Variants in DPP6 observed in about 807,000 individuals in gnomAD.
The protein encoded by DPP6 is A-type potassium channel modulatory protein DPP6.
In DPP6, 69 loss-of-function variants were observed where a neutral mutation model predicts 122.6. The observed-to-expected ratio is 0.56, with a 90% CI of 0.46 to 0.69. The LOEUF (loss-of-function observed/expected upper bound fraction) is 0.69, where lower values mean the gene tolerates loss of function less well. Among genes scored for constraint, DPP6 ranks in the 30% least tolerant of loss-of-function variants. The probability of loss-of-function intolerance (pLI) is 0.00; values close to 1 mark genes in which losing one functional copy is unlikely to be tolerated. For synonymous variants in DPP6, 418 were observed against 433.1 expected (o/e 0.97, Z 0.43); for missense variants, 928 against 1,116.9 (o/e 0.83, Z 2.41).
At position 154,769,479 on chromosome 7, in the gene DPP6, G is replaced by A. The variant is rs1209164860; in HGVS notation, c.946G>A (p.Ala316Thr). The change falls in exon 9 of 26, where the codon GCC becomes ACC. Residue 316 changes from alanine to threonine, a missense_variant. Ala to Thr is a moderately conservative substitution (Grantham distance 58). Transcript: ENST00000377770. ...TCCGGATGGCACGAGACTCGCCTAC[G>A]CCGCCATCAATGATTCCCGTGTCCC... ...WSPDGTRLAY[A>T]AINDSRVPIM... 9 of 1,613,396 alleles carry A rather than the reference G, an allele frequency of 5.6e-6. 1 individual carries two copies. Among genetic ancestry groups the A allele is most frequent in the South Asian group, 4.4e-5 (4 of 91,020 alleles).
chr7:154,290,975 A>G (rs780793527), intron 1 of DPP6, among the ~76,000 whole-genome samples: 1 of 152,196 alleles, frequency 6.6e-6, no homozygotes, highest in Non-Finnish European at 1.5e-5. Flanking sequence ...AGACAAAACA[A>G]AAGTAGGGAC....
intron 1 of DPP6, among the ~76,000 whole-genome samples, chr7:154,230,051 G>A (rs1800829987): frequency 6.6e-6 from 1 of 152,096 alleles, no homozygotes; most frequent in Non-Finnish European, 1.5e-5. Flanking sequence ...CATCATAAAG[G>A]AAAGTTAGAG....
chr7:154,620,263 G>T (rs1369072147), intron 5 of DPP6, among the ~76,000 whole-genome samples: 1 of 152,226 alleles, frequency 6.6e-6, no homozygotes, highest in Non-Finnish European at 1.5e-5. Context: ...TAAATGTTCA[G>T]TAGAGGACCC....
upstream of DPP6, among the ~76,000 whole-genome samples, chr7:153,886,329 T>C (rs1188466478): frequency 6.6e-6 from 1 of 152,074 alleles, no homozygotes; most frequent in East Asian, 1.9e-4. Flanking sequence ...GGGCAGCAGG[T>C]GGAGACGGGA....
intron 7 of DPP6, among the ~76,000 whole-genome samples, chr7:154,694,407 T>C (rs1337873375): frequency 1.3e-5 from 2 of 151,754 alleles, no homozygotes; most frequent in Admixed American, 1.3e-4. Context: ...AGGTCAGGAG[T>C]TCAAGACCAG....
rs943037248 is a variant in DPP6, at chr7:154,876,459, A to C, written c.2078+359A>C. The C allele has an allele frequency of 5.6e-5, 11 of 197,578 alleles. 1 individual carries two copies. Among genetic ancestry groups the C allele is most frequent in the Admixed American group, 5.4e-4 (9 of 16,714 alleles). The allele number at this position is 197,578 out of a possible 1,614,324, so 12.2% of individuals were successfully genotyped here. On this transcript the variant is annotated intron_variant, in intron 20 of 25. Transcript: ENST00000377770. ...TCCCAAGGGGAGGAGAGAAGAGATC[A>C]GGAAGGAAGGACAGAAAAAGGGAAG...
At chr7:154,832,868 A>G (rs543004761) in intron 16 of DPP6, among the ~76,000 whole-genome samples, 4 of 152,372 alleles carry the variant, frequency 2.6e-5, no homozygotes, top group African/African-American at 9.6e-5. Context: ...TCCAACATGT[A>G]AACCACACAC....
chr7:153,784,282 A>G, the DPP6 span, among the ~76,000 whole-genome samples: 2 of 152,198 alleles, frequency 1.3e-5, no homozygotes, highest in African/African-American at 4.8e-5. Context: ...AAACAGAAAT[A>G]TGTATTTGCT....
At chr7:154,361,764 C>T (rs896852054) in intron 1 of DPP6, among the ~76,000 whole-genome samples, 1 of 152,230 alleles carries the variant, frequency 6.6e-6, no homozygotes, top group South Asian at 2.1e-4. Context: ...CATACACTTA[C>T]ACTTATAAAC....
intron 1 of DPP6, among the ~76,000 whole-genome samples, chr7:154,127,611 A>T (rs1444220035): frequency 3.8e-5 from 3 of 78,850 alleles, no homozygotes; most frequent in African/African-American, 5.3e-5. Context: ...ACACACACAC[A>T]CACACACACA....
intron 1 of DPP6, among the ~76,000 whole-genome samples, chr7:154,234,172 A>G (rs139950709): frequency 2.6e-3 from 402 of 152,324 alleles, no homozygotes; most frequent in African/African-American, 9.3e-3. Flanking sequence ...GCAGGTTCAG[A>G]TAGAGGAAAC....
intron 1 of DPP6, among the ~76,000 whole-genome samples, chr7:154,106,663 C>G (rs1309236185): frequency 6.6e-6 from 1 of 151,810 alleles, no homozygotes; most frequent in Non-Finnish European, 1.5e-5. Context: ...GGTGTCTCTC[C>G]TGAGAAGGCA....
chr7:153,833,639 A>G, the DPP6 span, among the ~76,000 whole-genome samples: 1 of 150,804 alleles, frequency 6.6e-6, no homozygotes. Context: ...GTGTCACTGC[A>G]CTCCAGCCTG....
At position 154,678,728 on chromosome 7, in the gene DPP6, G is replaced by A. The variant is rs1839090329; in HGVS notation, c.762+9287G>A. 2.0e-5 allele frequency among the ~76,000 whole-genome samples: 3 copies of A among 152,334 alleles called. No individual in the cohort carries two copies. In the South Asian group the frequency reaches 6.2e-4, roughly 32 times the overall value. The stretch of plus-strand genomic sequence containing the variant: ...TATTTTGTTTGTTTTGCTCTTAAAG[G>A]GTCATTAGTAACAAAAGCTTTGGAG... On this transcript the variant is annotated intron_variant, in intron 7 of 25. Coordinates refer to ENST00000377770, the MANE Select transcript of DPP6 (RefSeq NM_130797.4).
intron 2 of DPP6, among the ~76,000 whole-genome samples, chr7:154,463,820 TA>T (rs1821547654): frequency 6.6e-6 from 1 of 152,288 alleles, no homozygotes; most frequent in East Asian, 1.9e-4. Context: ...GCTGAGCTGG[TA>T]TCCAAGTTGC....
At chr7:154,575,239 TTTGTGTG>T in intron 5 of DPP6, among the ~76,000 whole-genome samples, 1 of 118,880 alleles carries the variant, frequency 8.4e-6, no homozygotes, top group Non-Finnish European at 1.7e-5. Context: ...GTGTGTGGTG[TTTGTGTG>T]GTGTGTGTGG....
chr7:154,209,023 G>T (rs546614825), intron 1 of DPP6, among the ~76,000 whole-genome samples: 2 of 152,130 alleles, frequency 1.3e-5, no homozygotes, highest in African/African-American at 4.8e-5. Context: ...ATTTAAGAAC[G>T]TGCTCAGCAG....
chr7:154,085,790 C>T (rs574665056), intron 1 of DPP6, among the ~76,000 whole-genome samples: 4 of 152,176 alleles, frequency 2.6e-5, no homozygotes, highest in Non-Finnish European at 4.4e-5. Flanking sequence ...TGCAATGGCA[C>T]GATCTTGGCT....
At chr7:154,700,969 C>G (rs762338395) in intron 7 of DPP6, among the ~76,000 whole-genome samples, 4 of 152,126 alleles carry the variant, frequency 2.6e-5, no homozygotes, top group Non-Finnish European at 5.9e-5. Context: ...TCAGATATGA[C>G]AGCAAACACT....
Sources: allele counts gnomAD v4.1 joint callset (sites outside exome capture counted in the v4.1 genomes callset), GRCh38; gene constraint gnomAD v4.1.1; transcripts MANE v1.5; gene names NCBI Gene and HGNC (gene_info 2026-07-23, HGNC 2026-07-21).